WASHC2A: variants seen among roughly 807,000 people sequenced by gnomAD.
WASHC2A encodes WASH complex subunit FAM21A.
WASHC2A carries 82 observed loss-of-function variants against 140.3 expected under a neutral mutation model. The observed-to-expected ratio is 0.58, with a 90% confidence interval of 0.49 to 0.70. The LOEUF is 0.70. Ranked by LOEUF, WASHC2A falls within the 30% of genes least tolerant of loss-of-function variation. WASHC2A has a pLI of 0.00. For synonymous variants in WASHC2A, 340 were observed against 560.8 expected (o/e 0.61, Z 5.56); for missense variants, 985 against 1,521.8 (o/e 0.65, Z 5.87).
rs1842882612 is a variant in WASHC2A, at chr10:50,119,583, TC to T, written c.2296-3del. 7.6e-7 allele frequency: 1 copy of T among 1,310,622 alleles called. No homozygotes were observed. Among genetic ancestry groups the T allele is most frequent in the East Asian group, 2.4e-5 (1 of 42,134 alleles). 81.2% of individuals were successfully genotyped at this position (1,310,622 alleles called of 1,614,324 possible). A position where few individuals can be genotyped will look rare whatever the true frequency, so the allele number is the denominator to read the frequency against. On this transcript the variant is annotated splice_polypyrimidine_tract_variant and splice_region_variant and intron_variant, in intron 22 of 30. Coordinates refer to ENST00000282633, the MANE Select transcript of WASHC2A (RefSeq NM_001005751.3). ...TTTTTTCCCCCTATTATTTTCATTT[TC>T]AGGAAGGACTTTTGACTAGATCTGC...
chr10:50,133,506 C>T lies in WASHC2A; in HGVS notation c.*561C>T, dbSNP rs1428922811. 3.0e-5 allele frequency: 14 copies of T among 468,992 alleles called. No homozygotes were observed. The Admixed American group carries it at 3.3e-4, about 11-fold the overall frequency. The allele number at this position is 468,992 out of a possible 1,614,324, so 29.1% of individuals were successfully genotyped here. A position where few individuals can be genotyped will look rare whatever the true frequency, so the allele number is the denominator to read the frequency against. On this transcript the variant is annotated 3_prime_UTR_variant, in exon 31 of 31. Transcript: ENST00000282633. The stretch of plus-strand genomic sequence containing the variant: ...TAATAAAATTTTATTGGAACACAAC[C>T]ACATTCATTTGTTTACTTACTGTCT...
chr10:50,081,656 C>T (rs1280701352), intron 5 of WASHC2A, among the ~76,000 whole-genome samples: 5 of 149,158 alleles, frequency 3.4e-5, no homozygotes, highest in South Asian at 2.1e-4. Context: ...TTTTTTGAGA[C>T]GGAGTTTCAC....
At chr10:50,128,837 A>T (rs1371810255) in intron 28 of WASHC2A, among the ~76,000 whole-genome samples, 41 of 152,070 alleles carry the variant, frequency 2.7e-4, no homozygotes, top group African/African-American at 9.7e-4. Flanking sequence ...TTTTGAGATT[A>T]TATGAAAAGT....
In WASHC2A at chr10:50,126,052, T is replaced by A; in HGVS notation, c.2689-5T>A. On this transcript the variant is annotated splice_polypyrimidine_tract_variant and splice_region_variant and intron_variant, in intron 25 of 30. Coordinates refer to ENST00000282633, the MANE Select transcript of WASHC2A (RefSeq NM_001005751.3). ...TGGCTTTTTGGTATTTTTTTTCTTT[T>A]GAAGGTACAAGAGAAAAAGAGAGTA... is the stretch of plus-strand genomic sequence containing the variant. The A allele has an allele frequency of 2.5e-6, 4 of 1,612,370 alleles. No individual in the cohort carries two copies. Among genetic ancestry groups the A allele is most frequent in the Non-Finnish European group, 3.4e-6 (4 of 1,179,578 alleles).
Position 50,082,249 on chromosome 10 carries a change from C to G in WASHC2A, c.528+1318C>G, listed in dbSNP as rs1395975265. Among the ~76,000 whole-genome samples the G allele has an allele frequency of 2.7e-5, 4 of 150,116 alleles. No individual in the cohort carries two copies. The East Asian group carries it at 8.0e-4, about 30-fold the overall frequency. ...CAGTGAGAATTAGTCCAAATTAACG[C>G]TGTCTTTGCCTTATGCTCCATTGGT... On this transcript the variant is annotated intron_variant, in intron 5 of 30. Transcript: ENST00000282633.
At chr10:50,072,710 G>A (rs1484609031) in intron 3 of WASHC2A, among the ~76,000 whole-genome samples, 9 of 151,930 alleles carry the variant, frequency 5.9e-5, no homozygotes, top group Non-Finnish European at 7.4e-5. Flanking sequence ...GGATGGTCTC[G>A]ATCTCCTGAC....
At chr10:50,095,462 G>A (rs1188290370) in intron 14 of WASHC2A, 137 bp from the exon 15 acceptor site, 80 of 1,371,826 alleles carry the variant, frequency 5.8e-5, no homozygotes, top group Non-Finnish European at 7.0e-5. Flanking sequence ...AGTAATGGAT[G>A]GAGGCTATTG....
chr10:50,074,858 G>A (rs1355992824), intron 3 of WASHC2A, among the ~76,000 whole-genome samples: 1 of 152,304 alleles, frequency 6.6e-6, no homozygotes, highest in South Asian at 2.1e-4. Context: ...AGAGCTTGCA[G>A]TGAGCCGAGA....
intron 23 of WASHC2A, 29 bp from the exon 24 acceptor site, chr10:50,125,084 T>TC: frequency 1.2e-6 from 2 of 1,611,648 alleles, no homozygotes; most frequent in East Asian, 4.5e-5. Flanking sequence ...ACAGCTCTAA[T>TC]CACACATGAC....
chr10:50,103,484 C>T (rs1176439966), intron 17 of WASHC2A, among the ~76,000 whole-genome samples: 177 of 152,134 alleles, frequency 1.2e-3, no homozygotes, highest in African/African-American at 4.0e-3. Flanking sequence ...GGCGTGAATC[C>T]GGGAGGCGGA....
chr10:50,113,062 G>T (rs1420644689), intron 20 of WASHC2A, among the ~76,000 whole-genome samples: 1 of 151,942 alleles, frequency 6.6e-6, no homozygotes, highest in Non-Finnish European at 1.5e-5. Flanking sequence ...AACCATTGAA[G>T]TACGCACTTT....
chr10:50,089,971 G>A (rs1240834082), intron 8 of WASHC2A, among the ~76,000 whole-genome samples: 84 of 151,424 alleles, frequency 5.5e-4, no homozygotes, highest in East Asian at 2.2e-3. Context: ...TTAGCCGGGC[G>A]TGGTGGCGGG....
chr10:50,129,284 T>C, intron 28 of WASHC2A, 135 bp from the exon 29 acceptor site: 1 of 1,481,948 alleles, frequency 6.7e-7, no homozygotes, highest in Middle Eastern at 2.4e-4. Context: ...TAACCTCTTC[T>C]ATGTTCTTAG....
chr10:50,087,849 C>T (rs1839517660), intron 8 of WASHC2A, among the ~76,000 whole-genome samples: 1 of 151,564 alleles, frequency 6.6e-6, no homozygotes, highest in Non-Finnish European at 1.5e-5. Flanking sequence ...GAGTTTTGCT[C>T]TTGTTGTCCA....
chr10:50,076,816 TAAA>T (rs547485067), intron 3 of WASHC2A, among the ~76,000 whole-genome samples: 1 of 116,664 alleles, frequency 8.6e-6, no homozygotes, highest in Admixed American at 8.6e-5. Flanking sequence ...CCATCTCTAC[TAAA>T]AAAAAAAAAA....
rs1355453159 is a variant in WASHC2A, at chr10:50,091,967, T to C, written c.932-195T>C. ...TGAGCCTGGTACGAAAGCAGAAGGC[T>C]TCTGCCTTACAAAGAGACTCTTGAG... On this transcript the variant is annotated intron_variant, in intron 10 of 30. Coordinates refer to ENST00000282633, the MANE Select transcript of WASHC2A (RefSeq NM_001005751.3). 3.3e-5 allele frequency among the ~76,000 whole-genome samples: 5 copies of C among 152,376 alleles called. No homozygotes were observed. In the East Asian group the frequency reaches 7.7e-4, roughly 24 times the overall value.
chr10:50,110,179 A>G lies in WASHC2A; in HGVS notation c.1948A>G (p.Thr650Ala), dbSNP rs1842159540. 6.2e-7 allele frequency: 1 copy of G among 1,611,446 alleles called. No individual in the cohort carries two copies. Among genetic ancestry groups the G allele is most frequent in the African/African-American group, 1.3e-5 (1 of 74,768 alleles). Residue 650 changes from threonine (T) to alanine (A), a missense_variant, in exon 20 of 31, where the codon ACC (threonine) becomes GCC (alanine). Thr to Ala is a moderately conservative substitution (Grantham distance 58, BLOSUM62 0). Transcript: ENST00000282633. ...RSKGEPRDSG[T>A]LQSQEAKAVK... ...TAAAGGAGAACCCAGGGATTCTGGG[A>G]CCCTCCAGAGCCAGGAGGCCAAGGC... is the stretch of plus-strand genomic sequence containing the variant.
chr10:50,118,101 G>T, intron 22 of WASHC2A, 43 bp downstream of exon 22: 1 of 1,591,390 alleles, frequency 6.3e-7, no homozygotes, highest in Non-Finnish European at 8.6e-7. Context: ...TTTGTCTCTC[G>T]TATGTTGTTT....
At chr10:50,075,867 T>A (rs1554877681) in intron 3 of WASHC2A, among the ~76,000 whole-genome samples, 1 of 152,090 alleles carries the variant, frequency 6.6e-6, no homozygotes, top group African/African-American at 2.4e-5. Context: ...TGGTTATCAA[T>A]CTTTGGCTTT....
Sources: gnomAD v4.1 joint callset for allele counts (sites outside exome capture counted in the v4.1 genomes callset) on GRCh38, gnomAD v4.1.1 for gene constraint, MANE v1.5 for transcripts, NCBI Gene and HGNC (gene_info 2026-07-23, HGNC 2026-07-21) for gene names.